Variants in ARHGEF10 observed in about 807,000 individuals in gnomAD.
ARHGEF10 encodes the protein Rho guanine nucleotide exchange factor 10, also known as Rho guanine nucleotide exchange factor (GEF) 10.
Under a neutral mutation model 147.4 loss-of-function variants are expected in ARHGEF10, and 140 were observed. That is an observed-to-expected ratio of 0.95 (90% CI 0.83 to 1.09). The LOEUF (loss-of-function observed/expected upper bound fraction) is 1.09. ARHGEF10 is among the 50% of genes least tolerant of loss of function. ARHGEF10 has a pLI of 0.00. For missense variants in ARHGEF10, 2,222 were observed against 1,752.7 expected, an observed-to-expected ratio of 1.27 and a Z score of -4.78; for synonymous variants, 902 against 695.8, an observed-to-expected ratio of 1.30 and a Z score of -4.67.
At chr8:1,928,277 ATTGT>A (rs1812836262) in intron 23 of ARHGEF10, 146 bp from the exon 24 acceptor site, 2 of 745,778 alleles carry the variant, frequency 2.7e-6, no homozygotes, top group African/African-American at 1.8e-5. Context: ...TCTGTGAGCA[ATTGT>A]TTAAGAATTT....
In ARHGEF10 at chr8:1,876,680, G is replaced by A. The variant is rs144663694; in HGVS notation, c.789G>A (p.Ser263=). The part of the protein sequence containing the change: ...EFESYEEQSD[S]ECKNGIPRSF... ...AAAGTTACGAAGAGCAGAGTGACTC[G>A]GAGTGCAAGAATGGGATTCCCAGGT... is the stretch of plus-strand genomic sequence containing the variant. The change falls in exon 8 of 29, where the codon TCG becomes TCA. Residue 263 remains serine, a synonymous_variant. Coordinates refer to ENST00000349830, the MANE Select transcript of ARHGEF10 (RefSeq NM_014629.4). 6.0e-5 allele frequency: 97 copies of A among 1,614,214 alleles called. No individual in the cohort carries two copies. The African/African-American group carries it at 9.6e-4, about 16-fold the overall frequency.
intron 18 of ARHGEF10, among the ~76,000 whole-genome samples, chr8:1,916,414 T>G (rs1471441205): frequency 6.6e-6 from 1 of 152,238 alleles, no homozygotes; most frequent in Non-Finnish European, 1.5e-5. Flanking sequence ...ATTTGAGACA[T>G]GACATGTATC....
At chr8:1,896,099 C>T (rs1809949104) in intron 13 of ARHGEF10, among the ~76,000 whole-genome samples, 1 of 152,112 alleles carries the variant, frequency 6.6e-6, no homozygotes, top group Admixed American at 6.6e-5. Flanking sequence ...TGGTTTTGAA[C>T]AAGGATGTCA....
At chr8:1,841,913 AACT>A (rs1804087569) in intron 1 of ARHGEF10, among the ~76,000 whole-genome samples, 1 of 82,412 alleles carries the variant, frequency 1.2e-5, no homozygotes, top group Non-Finnish European at 2.2e-5. Flanking sequence ...CCGCGGCGGG[AACT>A]GGGGCCGCGG....
intron 27 of ARHGEF10, among the ~76,000 whole-genome samples, chr8:1,949,810 C>T (rs1302545712): frequency 6.6e-6 from 1 of 151,698 alleles, no homozygotes; most frequent in Non-Finnish European, 1.5e-5. Flanking sequence ...TCTCGGTGGC[C>T]GGTGTGGCCC....
At chr8:1,873,672 C>T (rs1214754610) in intron 7 of ARHGEF10, among the ~76,000 whole-genome samples, 2 of 142,322 alleles carry the variant, frequency 1.4e-5, no homozygotes, top group African/African-American at 5.4e-5. Flanking sequence ...GTAGTGCACC[C>T]GCATTTCCTC....
chr8:1,858,735 A>T, intron 3 of ARHGEF10: 1 of 156,978 alleles, frequency 6.4e-6, no homozygotes, highest in South Asian at 1.8e-4. Context: ...CCCGCCTCTC[A>T]GCTCGCACGG....
chr8:1,823,837 A>T (rs1802558468), upstream of ARHGEF10: 1 of 151,592 alleles, frequency 6.6e-6, no homozygotes, highest in African/African-American at 2.4e-5. Flanking sequence ...GCTGCCGAGA[A>T]ACCGGCAGGC....
intron 3 of ARHGEF10, chr8:1,858,690 G>C (rs1198404666): frequency 6.4e-6 from 1 of 157,150 alleles, no homozygotes; most frequent in African/African-American, 2.4e-5. Flanking sequence ...AGGCAGTGGT[G>C]GGAGAGCCTG....
In ARHGEF10 at chr8:1,905,981, A is replaced by G. The variant is rs113249715; in HGVS notation, c.1967+265A>G. 5.8e-3 allele frequency among the ~76,000 whole-genome samples: 881 copies of G among 152,340 alleles called. 8 individuals carry two copies. Among genetic ancestry groups the G allele is most frequent in the African/African-American group, 0.02 (835 of 41,578 alleles). On this transcript the variant is annotated intron_variant, in intron 17 of 28. Coordinates refer to ENST00000349830, the MANE Select transcript of ARHGEF10 (RefSeq NM_014629.4). The stretch of plus-strand genomic sequence containing the variant: ...GGCTGATGGCGGAACTAGAAACTCA[A>G]TTGAATTTCTTCATAACCCTCCTAA...
At position 1,933,792 on chromosome 8, in the gene ARHGEF10, C is replaced by A. The variant is rs1813344110; in HGVS notation, c.3080-8C>A. 5 of 1,614,174 alleles carry A rather than the reference C, an allele frequency of 3.1e-6. No individual in the cohort carries two copies. The highest frequency in any genetic ancestry group is 3.4e-6 in the Non-Finnish European group (4 of 1,180,022). ...GAACTTGAATGAAATGAAATATTTT[C>A]TTTTAAGATGGATCCTGGGATTCAG... On this transcript the variant is annotated splice_polypyrimidine_tract_variant and splice_region_variant and intron_variant, in intron 25 of 28. Coordinates refer to ENST00000349830, the MANE Select transcript of ARHGEF10 (RefSeq NM_014629.4).
intron 11 of ARHGEF10, among the ~76,000 whole-genome samples, chr8:1,892,270 T>C (rs1809591740): frequency 7.2e-6 from 1 of 138,978 alleles, no homozygotes; most frequent in Non-Finnish European, 1.5e-5. Flanking sequence ...CTTCCCAGCT[T>C]CTGGCTCTGT....
rs890904694 is a variant in ARHGEF10, at chr8:1,866,519, C to T, written c.546-7C>T. ...ATATTCTGACTTTATGGTTTGTTTT[C>T]TTTAAGTGAAGATCAAGTCGGTCGA... is the stretch of plus-strand genomic sequence containing the variant. On this transcript the variant is annotated splice_polypyrimidine_tract_variant and splice_region_variant and intron_variant, in intron 5 of 28. Coordinates refer to ENST00000349830, the MANE Select transcript of ARHGEF10 (RefSeq NM_014629.4). 1.2e-6 allele frequency: 2 copies of T among 1,612,110 alleles called. No homozygotes were observed. Among genetic ancestry groups the T allele is most frequent in the Non-Finnish European group, 8.5e-7 (1 of 1,179,950 alleles).
At chr8:1,881,672 A>G (rs776931457) in intron 9 of ARHGEF10, among the ~76,000 whole-genome samples, 13 of 152,086 alleles carry the variant, frequency 8.5e-5, no homozygotes, top group Non-Finnish European at 1.5e-4. Context: ...ACGCTTCAGG[A>G]AGGCAGCCCT....
chr8:1,898,454 G>A lies in ARHGEF10; in HGVS notation c.1579G>A (p.Asp527Asn), dbSNP rs368618077. 1.7e-5 allele frequency: 27 copies of A among 1,613,984 alleles called. No homozygotes were observed. In the Admixed American group the frequency reaches 2.0e-4, roughly 12 times the overall value. ...ACAGCAGGAACAGGAGGCCAGCCCC[G>A]ATCGAACCACGCTCTACAGCCTGAT... ...FLKQEQEASP[D>N]RTTLYSLMMK... is the part of the protein sequence containing the mutation. The change falls in exon 15 of 29, where the codon GAT becomes AAT. Residue 527 changes from aspartate (D) to asparagine (N), a missense_variant. Asp to Asn is a conservative substitution (Grantham distance 23). Transcript: ENST00000349830.
At chr8:1,834,184 C>T (rs1436697684) in intron 1 of ARHGEF10, among the ~76,000 whole-genome samples, 1 of 152,246 alleles carries the variant, frequency 6.6e-6, no homozygotes, top group East Asian at 1.9e-4. Context: ...CCCTCCCCAG[C>T]ATGTGGCGCA....
intron 26 of ARHGEF10, among the ~76,000 whole-genome samples, chr8:1,941,477 G>A (rs937403835): frequency 2.6e-5 from 4 of 152,100 alleles, no homozygotes; most frequent in African/African-American, 9.7e-5. Flanking sequence ...TAAATGGGAA[G>A]GCATCCTATG....
intron 7 of ARHGEF10, among the ~76,000 whole-genome samples, chr8:1,872,248 G>A (rs1473848197): frequency 2.0e-5 from 3 of 152,142 alleles, no homozygotes; most frequent in Non-Finnish European, 4.4e-5. Context: ...AACCTATAAT[G>A]ATCCAACATA....
At chr8:1,909,627 TCTGA>T (rs1361750127) in intron 18 of ARHGEF10, among the ~76,000 whole-genome samples, 157 bp downstream of exon 18, 1 of 152,228 alleles carries the variant, frequency 6.6e-6, no homozygotes, top group African/African-American at 2.4e-5. Flanking sequence ...CTGTATGCTG[TCTGA>T]CTAACATGGC....
Sources: allele counts gnomAD v4.1 joint callset (sites outside exome capture counted in the v4.1 genomes callset), GRCh38; gene constraint gnomAD v4.1.1; transcripts MANE v1.5; gene names NCBI Gene and HGNC (gene_info 2026-07-23, HGNC 2026-07-21).